HMOX2: variants seen among roughly 807,000 people sequenced by gnomAD.
HMOX2 encodes heme oxygenase (decycling) 2.
HMOX2 carries 30 observed loss-of-function variants against 33.7 expected under a neutral mutation model. That is an observed-to-expected ratio of 0.89 (90% CI 0.67 to 1.21). The LOEUF is 1.21. Among genes scored for constraint, HMOX2 ranks in the 50% most tolerant of loss-of-function variants. The pLI, the probability that HMOX2 is intolerant of heterozygous loss-of-function variation, is 0.00. For missense variants in HMOX2, 403 were observed against 399.1 expected, an observed-to-expected ratio of 1.01 and a Z score of -0.08; for synonymous variants, 155 against 155.0, an observed-to-expected ratio of 1.00 and a Z score of 0.00.
chr16:4,494,132 C>T (rs1209575414), intron 1 of HMOX2, among the ~76,000 whole-genome samples: 16 of 151,836 alleles, frequency 1.1e-4, no homozygotes, highest in Admixed American at 3.3e-4. Context: ...CTGGCTAACA[C>T]GGTGAAACCC....
At chr16:4,501,614 A>G (rs1187769332) in intron 1 of HMOX2, among the ~76,000 whole-genome samples, 1 of 152,168 alleles carries the variant, frequency 6.6e-6, no homozygotes, top group Non-Finnish European at 1.5e-5. Flanking sequence ...TCTTGTGGAT[A>G]TTAGACATTG....
chr16:4,500,862 T>G (rs1378727339), intron 1 of HMOX2, among the ~76,000 whole-genome samples: 1 of 152,194 alleles, frequency 6.6e-6, no homozygotes. Flanking sequence ...ATAGGAACTT[T>G]GTTACTGCTT....
chr16:4,494,585 A>C lies in HMOX2; in HGVS notation c.-41-10899A>C, dbSNP rs192678819. Among the ~76,000 whole-genome samples, 3 of 152,260 alleles carry C rather than the reference A, an allele frequency of 2.0e-5. No homozygotes were observed. In the East Asian group the frequency reaches 5.8e-4, roughly 29 times the overall value. On this transcript the variant is annotated intron_variant, in intron 1 of 5. Coordinates refer to ENST00000570646, the MANE Select transcript of HMOX2 (RefSeq NM_002134.4). The stretch of plus-strand genomic sequence containing the variant: ...AGTTGATGAATGCTTTGCCTTTAAA[A>C]AAATAAGTTTGGGTGGGGTGCAGTG...
chr16:4,483,957 G>A (rs1596446313), intron 1 of HMOX2, among the ~76,000 whole-genome samples: 1 of 146,790 alleles, frequency 6.8e-6, no homozygotes, highest in Admixed American at 7.0e-5. Context: ...TATCACACCC[G>A]TGCATATGCC....
At chr16:4,506,316 G>A (rs893486135) in intron 2 of HMOX2, among the ~76,000 whole-genome samples, 13 of 151,952 alleles carry the variant, frequency 8.6e-5, no homozygotes, top group Non-Finnish European at 1.0e-4. Context: ...GTGTAATTTC[G>A]TTAAGCAGCA....
At chr16:4,502,240 C>T (rs375455801) in intron 1 of HMOX2, among the ~76,000 whole-genome samples, 5 of 152,054 alleles carry the variant, frequency 3.3e-5, no homozygotes, top group Admixed American at 6.6e-5. Context: ...TTGTATTTTT[C>T]GGAGAAGCAC....
chr16:4,478,858 G>T (rs1567376645), intron 1 of HMOX2, among the ~76,000 whole-genome samples: 4 of 151,476 alleles, frequency 2.6e-5, no homozygotes. Flanking sequence ...GGAAAGAGAT[G>T]AAAAACTTGA....
At chr16:4,475,294 G>GT (rs957453921), upstream of HMOX2, among the ~76,000 whole-genome samples, 63 of 149,622 alleles carry the variant, frequency 4.2e-4, no homozygotes, top group Non-Finnish European at 5.2e-4. Context: ...ACTGATTTCA[G>GT]TTTTTTTTTG....
intron 1 of HMOX2, among the ~76,000 whole-genome samples, chr16:4,481,322 CT>C (rs2058024676): frequency 7.1e-6 from 1 of 141,248 alleles, no homozygotes; most frequent in Non-Finnish European, 1.5e-5. Flanking sequence ...GCGCTCCAGC[CT>C]GGGAGACAGA....
intron 1 of HMOX2, among the ~76,000 whole-genome samples, chr16:4,490,179 C>A (rs2058271380): frequency 6.6e-6 from 1 of 152,146 alleles, no homozygotes; most frequent in African/African-American, 2.4e-5. Context: ...TAATATCAGG[C>A]CTACAATATT....
At chr16:4,486,714 T>TAAGAGACA (rs1201977559) in intron 1 of HMOX2, among the ~76,000 whole-genome samples, 2 of 152,168 alleles carry the variant, frequency 1.3e-5, no homozygotes, top group African/African-American at 4.8e-5. Context: ...AGGCCTAAGA[T>TAAGAGACA]AAGAGACCGT....
intron 1 of HMOX2, among the ~76,000 whole-genome samples, chr16:4,499,552 A>G (rs142638452): frequency 6.6e-6 from 1 of 152,310 alleles, no homozygotes; most frequent in Non-Finnish European, 1.5e-5. Context: ...AAAGGGTACA[A>G]AATTTCAGTT....
rs1329197997 is a variant in HMOX2, at chr16:4,493,292, G to A, written c.-41-12192G>A. ...GTCAGTCTCAAACTCCTAGGCTCAAGCAATCCTCCTGCCTTGGCTTCTCAA... is the reference window on the plus strand; with the variant it reads ...GTCAGTCTCAAACTCCTAGGCTCAAACAATCCTCCTGCCTTGGCTTCTCAA... On this transcript the variant is annotated intron_variant, in intron 1 of 5. Coordinates refer to ENST00000570646, the MANE Select transcript of HMOX2 (RefSeq NM_002134.4). 3.3e-5 allele frequency among the ~76,000 whole-genome samples: 5 copies of A among 152,314 alleles called. No individual in the cohort carries two copies. The East Asian group carries it at 9.6e-4, about 29-fold the overall frequency.
chr16:4,479,497 T>G (rs965010902), intron 1 of HMOX2: 1 of 152,112 alleles, frequency 6.6e-6, no homozygotes, highest in Non-Finnish European at 1.5e-5. Context: ...GTGATTGTTG[T>G]CTGGTGAACT....
intron 1 of HMOX2, among the ~76,000 whole-genome samples, chr16:4,486,675 C>G (rs1052165839): frequency 3.3e-5 from 5 of 152,144 alleles, no homozygotes; most frequent in African/African-American, 1.2e-4. Context: ...TAATCCAGGC[C>G]CAGCTTCCCA....
intron 1 of HMOX2, among the ~76,000 whole-genome samples, chr16:4,500,135 C>G (rs1596468156): frequency 6.6e-6 from 1 of 152,318 alleles, no homozygotes. Flanking sequence ...ACTGGGAAGA[C>G]AGGATGACAG....
At position 4,485,614 on chromosome 16, in the gene HMOX2, C is replaced by G. The variant is rs137907955; in HGVS notation, c.-42+9127C>G. On this transcript the variant is annotated intron_variant, in intron 1 of 5. Transcript: ENST00000570646. The stretch of plus-strand genomic sequence containing the variant: ...AAGGAGGCCAAAGAAAGAAGAAACC[C>G]TTCTTAGAGCACTCAGGGTCTTACT... Among the ~76,000 whole-genome samples, 180 of 152,244 alleles carry G rather than the reference C, an allele frequency of 1.2e-3. 1 individual carries two copies. Among genetic ancestry groups the G allele is most frequent in the African/African-American group, 4.1e-3 (172 of 41,556 alleles).
In HMOX2 at chr16:4,484,476, TTTGA is replaced by T. The variant is rs1228691390; in HGVS notation, c.-42+7990_-42+7993del. Among the ~76,000 whole-genome samples the T allele has an allele frequency of 2.9e-3, 428 of 147,864 alleles. 3 individuals carry two copies. Among genetic ancestry groups the T allele is most frequent in the African/African-American group, 8.0e-3 (326 of 40,746 alleles). The stretch of plus-strand genomic sequence containing the variant: ...TTTTCTTTTCTTTTTTTTTTTTTTT[TTTGA>T]GACGGAGTCTTGCACTGTCACCCAG... On this transcript the variant is annotated intron_variant, in intron 1 of 5. Coordinates refer to ENST00000570646, the MANE Select transcript of HMOX2 (RefSeq NM_002134.4).
At chr16:4,489,138 G>C (rs534324691) in intron 1 of HMOX2, among the ~76,000 whole-genome samples, 1 of 152,088 alleles carries the variant, frequency 6.6e-6, no homozygotes, top group Non-Finnish European at 1.5e-5. Context: ...TAAAAGGTAC[G>C]CTCTTAGTAG....
Sources: allele counts gnomAD v4.1 joint callset (sites outside exome capture counted in the v4.1 genomes callset), GRCh38; gene constraint gnomAD v4.1.1; transcripts MANE v1.5; gene names NCBI Gene and HGNC (gene_info 2026-07-23, HGNC 2026-07-21).